KMT2C: variants seen among roughly 807,000 people sequenced by gnomAD.
KMT2C encodes the protein histone-lysine N-methyltransferase 2C.
In KMT2C, 88 loss-of-function variants were observed where a neutral mutation model predicts 507.9. That is an observed-to-expected ratio of 0.17 (90% CI 0.15 to 0.21). KMT2C has a LOEUF of 0.21. KMT2C is among the 10% of genes least tolerant of loss of function. KMT2C has a pLI of 1.00. For synonymous variants in KMT2C, 2,049 were observed against 2,080.8 expected (o/e 0.98, Z 0.42); for missense variants, 4,954 against 5,957.8 (o/e 0.83, Z 5.55).
At chr7:152,326,691 T>C (rs199738281) in intron 3 of KMT2C, among the ~76,000 whole-genome samples, 1 of 152,056 alleles carries the variant, frequency 6.6e-6, no homozygotes, top group Non-Finnish European at 1.5e-5. Flanking sequence ...CCATCCTGGC[T>C]AACATGGTGA....
chr7:152,151,807 G>A (rs759465604), intron 49 of KMT2C, among the ~76,000 whole-genome samples: 13 of 152,124 alleles, frequency 8.5e-5, no homozygotes, highest in Admixed American at 2.6e-4. Context: ...GAAAGCAATG[G>A]CAGTATAAAA....
chr7:152,201,289 CACAG>C (rs1456356426), intron 26 of KMT2C, among the ~76,000 whole-genome samples: 2 of 132,026 alleles, frequency 1.5e-5, no homozygotes, highest in African/African-American at 3.4e-5. Flanking sequence ...CACATACAGA[CACAG>C]ACACACACAC....
At chr7:152,237,654 C>T (rs2095304593) in intron 15 of KMT2C, among the ~76,000 whole-genome samples, 1 of 152,050 alleles carries the variant, frequency 6.6e-6, no homozygotes, top group African/African-American at 2.4e-5. Context: ...CATGCCACCA[C>T]ACCCGGCTAA....
chr7:152,372,759 T>C (rs1414393068), intron 1 of KMT2C, among the ~76,000 whole-genome samples: 1 of 152,172 alleles, frequency 6.6e-6, no homozygotes, highest in Non-Finnish European at 1.5e-5. Context: ...AGCAATACCG[T>C]AATAGTGGGG....
chr7:152,184,783 A>G (rs532586111), intron 34 of KMT2C, among the ~76,000 whole-genome samples: 13 of 152,078 alleles, frequency 8.5e-5, no homozygotes, highest in African/African-American at 3.1e-4. Context: ...CTCCCTTTTT[A>G]TTTTTTGACC....
chr7:152,288,339 G>T (rs1345646685), intron 6 of KMT2C, among the ~76,000 whole-genome samples: 3 of 150,892 alleles, frequency 2.0e-5, no homozygotes, highest in Non-Finnish European at 2.9e-5. Context: ...TTCAAGACCA[G>T]CCTGGCCAAC....
At chr7:152,242,894 C>T (rs1441341548) in intron 14 of KMT2C, among the ~76,000 whole-genome samples, 1 of 152,182 alleles carries the variant, frequency 6.6e-6, no homozygotes, top group Admixed American at 6.5e-5. Context: ...CCACACTCTT[C>T]CAACATACTA....
intron 2 of KMT2C, among the ~76,000 whole-genome samples, chr7:152,358,318 G>A (rs1053357107): frequency 6.6e-6 from 1 of 151,904 alleles, no homozygotes; most frequent in Non-Finnish European, 1.5e-5. Context: ...CTGGATTACT[G>A]TTTCTCCCAG....
chr7:152,151,666 C>A (rs1006366910), intron 49 of KMT2C, 85 bp from the exon 50 acceptor site: 1 of 1,004,724 alleles, frequency 1.0e-6, no homozygotes, highest in South Asian at 1.7e-5. Flanking sequence ...AGTATCAACT[C>A]ATTACAACAT....
intron 20 of KMT2C, among the ~76,000 whole-genome samples, chr7:152,223,416 C>T (rs1324898947): frequency 6.6e-6 from 1 of 151,964 alleles, no homozygotes; most frequent in Non-Finnish European, 1.5e-5. Context: ...AGAAACCCTT[C>T]ATAAGAAACG....
intron 26 of KMT2C, 150 bp downstream of exon 26, chr7:152,202,784 C>A: frequency 1.5e-6 from 1 of 645,226 alleles, no homozygotes; most frequent in South Asian, 2.4e-5. Flanking sequence ...TTTATGGACC[C>A]CTGAAAGGTA....
chr7:152,423,392 G>A (rs2097790313), intron 1 of KMT2C, among the ~76,000 whole-genome samples: 1 of 152,226 alleles, frequency 6.6e-6, no homozygotes, highest in Non-Finnish European at 1.5e-5. Flanking sequence ...AGGTAGCCAT[G>A]TGAACTCTGT....
chr7:152,323,945 C>T (rs766469829), intron 3 of KMT2C, among the ~76,000 whole-genome samples: 3 of 151,442 alleles, frequency 2.0e-5, no homozygotes, highest in Non-Finnish European at 4.4e-5. Context: ...AAGACAAATA[C>T]GGCATGATCT....
chr7:152,226,219 CTTTTTTTTTTTTTT>C (rs869076803), intron 18 of KMT2C, among the ~76,000 whole-genome samples: 1 of 94,958 alleles, frequency 1.1e-5, no homozygotes, highest in South Asian at 3.7e-4. Context: ...ATTACAAGGC[CTTTTTTTTTTTTTT>C]TTTTTTTTTT....
chr7:152,291,179 A>G (rs2096420294), intron 6 of KMT2C, among the ~76,000 whole-genome samples: 1 of 152,208 alleles, frequency 6.6e-6, no homozygotes, highest in African/African-American at 2.4e-5. Flanking sequence ...GGGCATTATT[A>G]TTCAGAAAAA....
intron 7 of KMT2C, among the ~76,000 whole-genome samples, chr7:152,271,943 T>TTTTCA: frequency 6.6e-6 from 1 of 152,134 alleles, no homozygotes; most frequent in South Asian, 2.1e-4. Flanking sequence ...TTGTATTGAC[T>TTTTCA]GCTGAAAAGG....
rs752698613 is a variant in KMT2C, at chr7:152,207,468, T to C, written c.3713-40A>G. ...ATGTATACACAAAACTGGAAAAACCTATCAAATATATAATCCCTACATAAT... is the reference window on the plus strand; with the variant it reads ...ATGTATACACAAAACTGGAAAAACCCATCAAATATATAATCCCTACATAAT... On this transcript the variant is annotated intron_variant, in intron 23 of 58. Coordinates refer to ENST00000262189, the MANE Select transcript of KMT2C (RefSeq NM_170606.3). The C allele has an allele frequency of 2.6e-6, 4 of 1,515,946 alleles. No homozygotes were observed. The Admixed American group carries it at 8.1e-5, about 31-fold the overall frequency. 93.9% of individuals were successfully genotyped at this position (1,515,946 alleles called of 1,614,324 possible).
At position 152,148,313 on chromosome 7, in the gene KMT2C, G is replaced by C. The variant is rs752963593; in HGVS notation, c.13614C>G (p.Ile4538Met). The C allele has an allele frequency of 2.5e-6, 4 of 1,614,238 alleles. No individual in the cohort carries two copies. Among genetic ancestry groups the C allele is most frequent in the Non-Finnish European group, 3.4e-6 (4 of 1,180,048 alleles). The change falls in exon 52 of 59, where the codon ATC (isoleucine) becomes ATG (methionine). Residue 4538 changes from isoleucine (I) to methionine (M), a missense_variant. Transcript: ENST00000262189. The surrounding 1 kb of genome is among the most constrained non-coding windows in gnomAD (Gnocchi z 7.1). ...TATGGTCCCGTTCTCCTCGTTGCAC[G>C]ATGCTAGCAATCTGTCGCACCTCAT... ...QRDEVRQIAS[I>M]VQRGERDHTF... is the part of the protein sequence containing the mutation.
chr7:152,144,815 G>A lies in KMT2C; in HGVS notation c.14241C>T (p.Asn4747=), dbSNP rs2090942546. The A allele has an allele frequency of 1.7e-5, 28 of 1,614,102 alleles. No homozygotes were observed. The highest frequency in any genetic ancestry group is 1.6e-4 in the Middle Eastern group (1 of 6,062). The part of the protein sequence containing the change: ...SFQSTVTGEL[N]APYSKQFVHS... ...GAACAAACTGTTTACTATAAGGTGCGTTCAGTTCTCCAGTGACTGTGCTCT... is the reference window on the plus strand; with the variant it reads ...GAACAAACTGTTTACTATAAGGTGCATTCAGTTCTCCAGTGACTGTGCTCT... The change falls in exon 55 of 59, where the codon AAC becomes AAT. Residue 4747 remains asparagine (N), a synonymous_variant. Transcript: ENST00000262189. This position sits in a 1 kb window ranked among gnomAD's most constrained non-coding sequence, Gnocchi z 4.4.
Sources: gnomAD v4.1 joint callset for allele counts (sites outside exome capture counted in the v4.1 genomes callset) on GRCh38, gnomAD v4.1.1 for gene constraint, Gnocchi (gnomAD v3.1) non-coding constraint, MANE v1.5 for transcripts, NCBI Gene and HGNC (gene_info 2026-07-23, HGNC 2026-07-21) for gene names.